Variants in LPGAT1 observed in about 807,000 individuals in gnomAD.
LPGAT1 encodes the protein lysophosphatidylglycerol acyltransferase 1.
LPGAT1 carries 11 observed loss-of-function variants against 47.5 expected under a neutral mutation model. The ratio of observed to expected loss-of-function variants is 0.23; its 90% CI spans 0.15 to 0.38. The LOEUF (loss-of-function observed/expected upper bound fraction) is 0.38, where lower values mean the gene tolerates loss of function less well. Among genes scored for constraint, LPGAT1 ranks in the 10% least tolerant of loss-of-function variants. LPGAT1 has a pLI of 1.00. For missense variants in LPGAT1, 293 were observed against 439.0 expected (o/e 0.67, Z 2.97); for synonymous variants, 138 against 144.2 (o/e 0.96, Z 0.31).
chr1:211,830,162 CGGCCCGCG>C lies in LPGAT1; in HGVS notation c.-28+403_-28+410del. ...TGTGGAAGGGTCGTGGCGGCGGGCG[CGGCCCGCG>C]CGCCGGGCTCACCTCGGCGGGCGCG... On this transcript the variant is annotated intron_variant, in intron 1 of 7. Coordinates refer to ENST00000366997, the MANE Select transcript of LPGAT1 (RefSeq NM_014873.3). This position sits in a 1 kb window ranked among gnomAD's most constrained non-coding sequence, Gnocchi z 5.9. 1.0e-6 allele frequency: 1 copy of C among 983,046 alleles called. No individual in the cohort carries two copies. The highest frequency in any genetic ancestry group is 1.2e-6 in the Non-Finnish European group (1 of 829,172). The allele number at this position is 983,046 out of a possible 1,614,324, so 60.9% of individuals were successfully genotyped here. A position where few individuals can be genotyped will look rare whatever the true frequency, so the allele number is the denominator to read the frequency against.
At chr1:211,788,864 C>T (rs1322343453) in intron 3 of LPGAT1, among the ~76,000 whole-genome samples, 3 of 151,938 alleles carry the variant, frequency 2.0e-5, no homozygotes, top group Admixed American at 6.6e-5. Context: ...ATGTAAACAT[C>T]ATCTCTAAGA....
intron 2 of LPGAT1, among the ~76,000 whole-genome samples, chr1:211,825,967 A>T (rs1660533616): frequency 6.6e-6 from 1 of 152,224 alleles, no homozygotes; most frequent in Non-Finnish European, 1.5e-5. Flanking sequence ...CTCAAAAAAA[A>T]AAAGGAAAAT....
At chr1:211,789,638 T>C (rs998635859) in intron 3 of LPGAT1, among the ~76,000 whole-genome samples, 11 of 152,212 alleles carry the variant, frequency 7.2e-5, no homozygotes, top group African/African-American at 2.6e-4. Context: ...TCCCAGCACT[T>C]TGGGAGGCTG....
chr1:211,759,708 T>C (rs777284933), intron 6 of LPGAT1, among the ~76,000 whole-genome samples: 6 of 152,234 alleles, frequency 3.9e-5, no homozygotes, highest in Non-Finnish European at 8.8e-5. Context: ...TGATAGATAA[T>C]ATTTTCATTA....
chr1:211,755,563 G>A (rs1657406944), intron 6 of LPGAT1, among the ~76,000 whole-genome samples: 1 of 151,568 alleles, frequency 6.6e-6, no homozygotes, highest in African/African-American at 2.4e-5. Flanking sequence ...AAAAAATAGA[G>A]GAAAGAAGGA....
chr1:211,793,008 C>T, intron 3 of LPGAT1, 64 bp downstream of exon 3: 4 of 1,151,636 alleles, frequency 3.5e-6, no homozygotes, highest in Middle Eastern at 2.0e-4. Flanking sequence ...CCATGCCCGG[C>T]CAAATGGATT....
intron 5 of LPGAT1, 69 bp downstream of exon 5, chr1:211,783,160 G>T: frequency 7.6e-7 from 1 of 1,322,922 alleles, no homozygotes; most frequent in South Asian, 1.6e-5. Flanking sequence ...AAAGAACAAT[G>T]ATCATCTTCT....
intron 3 of LPGAT1, among the ~76,000 whole-genome samples, chr1:211,788,550 T>C (rs1658980423): frequency 6.6e-6 from 1 of 151,820 alleles, no homozygotes; most frequent in African/African-American, 2.4e-5. Flanking sequence ...GGCGTGGTGG[T>C]GCGTGCCTGT....
chr1:211,823,572 G>A (rs1404793218), intron 2 of LPGAT1, among the ~76,000 whole-genome samples: 3 of 151,968 alleles, frequency 2.0e-5, no homozygotes, highest in Admixed American at 1.3e-4. Context: ...CACTGATTAC[G>A]TCTTGTGCCT....
intron 2 of LPGAT1, among the ~76,000 whole-genome samples, chr1:211,818,713 A>T (rs1466720551): frequency 6.6e-6 from 1 of 152,246 alleles, no homozygotes; most frequent in Non-Finnish European, 1.5e-5. Context: ...AAGGCAGACC[A>T]GACCCTAGAG....
intron 6 of LPGAT1, among the ~76,000 whole-genome samples, chr1:211,775,058 C>G (rs1482076837): frequency 6.6e-6 from 1 of 152,114 alleles, no homozygotes; most frequent in Admixed American, 6.5e-5. Context: ...CATATACTTG[C>G]TTGTCACATT....
chr1:211,750,074 A>G, intron 7 of LPGAT1, 24 bp from the exon 8 acceptor site: 1 of 1,605,716 alleles, frequency 6.2e-7, no homozygotes, highest in Non-Finnish European at 8.5e-7. Flanking sequence ...TAGAAATATT[A>G]GTTTGTTTTA....
intron 6 of LPGAT1, among the ~76,000 whole-genome samples, chr1:211,767,338 G>T (rs1417046989): frequency 6.6e-6 from 1 of 152,012 alleles, no homozygotes; most frequent in East Asian, 1.9e-4. Context: ...ATTTCACTAT[G>T]TTGGCCAGGC....
At chr1:211,756,474 C>G (rs1051808415) in intron 6 of LPGAT1, among the ~76,000 whole-genome samples, 1 of 152,014 alleles carries the variant, frequency 6.6e-6, no homozygotes, top group African/African-American at 2.4e-5. Context: ...ACCACAGGTG[C>G]GCATCATCAT....
chr1:211,750,186 A>T, intron 7 of LPGAT1, 136 bp from the exon 8 acceptor site: 2 of 720,938 alleles, frequency 2.8e-6, no homozygotes, highest in East Asian at 5.2e-5. Flanking sequence ...CAGAGGAGAG[A>T]TTTTATTTGA....
intron 2 of LPGAT1, among the ~76,000 whole-genome samples, chr1:211,802,233 C>T (rs991004522): frequency 1.3e-5 from 2 of 151,872 alleles, no homozygotes; most frequent in Admixed American, 1.3e-4. Flanking sequence ...AATGTGTATG[C>T]TTTTCTCTTA....
chr1:211,743,647 T>TC lies in LPGAT1; in HGVS notation c.*6251dup, dbSNP rs113966791. The TC allele has an allele frequency of 2.6e-4, 39 of 152,232 alleles. No homozygotes were observed. Among genetic ancestry groups the TC allele is most frequent in the African/African-American group, 8.7e-4 (36 of 41,546 alleles). 9.4% of individuals were successfully genotyped at this position (152,232 alleles called of 1,614,324 possible). ...AAGTGGAAATTAAAAACAATGGCTT[T>TC]CCCCCCGCCAACTCATGAGGAATAG... On this transcript the variant is annotated 3_prime_UTR_variant, in exon 8 of 8. Transcript: ENST00000366997.
At chr1:211,760,836 C>A (rs1320618374) in intron 6 of LPGAT1, among the ~76,000 whole-genome samples, 1 of 152,140 alleles carries the variant, frequency 6.6e-6, no homozygotes, top group Non-Finnish European at 1.5e-5. Context: ...CTAATTGTTT[C>A]TTTCTCTTTC....
chr1:211,815,079 G>A (rs55687837), intron 2 of LPGAT1, among the ~76,000 whole-genome samples: 12,732 of 152,016 alleles, frequency 0.084, 652 homozygotes, highest in Admixed American at 0.15. Flanking sequence ...TGGGCCTCTC[G>A]TCACTTCGTA....
Sources: gnomAD v4.1 joint callset for allele counts (sites outside exome capture counted in the v4.1 genomes callset) on GRCh38, gnomAD v4.1.1 for gene constraint, Gnocchi (gnomAD v3.1) non-coding constraint, MANE v1.5 for transcripts, NCBI Gene and HGNC (gene_info 2026-07-23, HGNC 2026-07-21) for gene names.